The following KHDRBS2 variants were observed in gnomAD, a reference collection of about 807,000 sequenced individuals.
The protein encoded by KHDRBS2 is KH domain-containing, RNA-binding, signal transduction-associated protein 2.
Under a neutral mutation model 44.3 loss-of-function variants are expected in KHDRBS2, and 26 were observed. That is an observed-to-expected ratio of 0.59 (90% confidence interval 0.43 to 0.81). The LOEUF (loss-of-function observed/expected upper bound fraction) is 0.81. Ranked by LOEUF, KHDRBS2 falls within the 40% of genes least tolerant of loss-of-function variation. The pLI, the probability that KHDRBS2 is intolerant of heterozygous loss-of-function variation, is 0.00. For synonymous variants in KHDRBS2, 194 were observed against 151.1 expected (o/e 1.28, Z -2.08); for missense variants, 476 against 433.1 (o/e 1.10, Z -0.88).
intron 2 of KHDRBS2, among the ~76,000 whole-genome samples, chr6:62,131,889 T>C (rs1224471923): frequency 1.3e-5 from 2 of 152,182 alleles, no homozygotes; most frequent in African/African-American, 4.8e-5. Flanking sequence ...TTGGGATGTG[T>C]TCTGAATGAG....
At chr6:61,861,200 A>C (rs929277299) in intron 6 of KHDRBS2, among the ~76,000 whole-genome samples, 1 of 152,098 alleles carries the variant, frequency 6.6e-6, no homozygotes, top group Non-Finnish European at 1.5e-5. Flanking sequence ...TTTGCTGTGC[A>C]GAAGCTCTTT....
the KHDRBS2 span, among the ~76,000 whole-genome samples, chr6:61,620,535 T>G: frequency 5.3e-5 from 8 of 152,186 alleles, no homozygotes. Flanking sequence ...AGTTACTCAA[T>G]GTTGCTAAGT....
intron 6 of KHDRBS2, among the ~76,000 whole-genome samples, chr6:61,791,893 A>G (rs1426592129): frequency 6.6e-6 from 1 of 151,450 alleles, no homozygotes; most frequent in African/African-American, 2.4e-5. Context: ...TAGTCCATTT[A>G]TAACTATTAT....
chr6:61,544,413 T>C, the KHDRBS2 span, among the ~76,000 whole-genome samples: 2 of 152,108 alleles, frequency 1.3e-5, no homozygotes, highest in Non-Finnish European at 2.9e-5. Flanking sequence ...TATTTTAAAA[T>C]CATTTTTAAA....
chr6:62,068,943 TC>T (rs139389910), intron 2 of KHDRBS2, among the ~76,000 whole-genome samples: 1 of 151,860 alleles, frequency 6.6e-6, no homozygotes, highest in Non-Finnish European at 1.5e-5. Flanking sequence ...TCTTTAAATT[TC>T]TTTTTCATTT....
chr6:61,603,522 C>T, the KHDRBS2 span, among the ~76,000 whole-genome samples: 93,433 of 151,818 alleles, frequency 0.62, 28,967 homozygotes, highest in Non-Finnish European at 0.65. Context: ...ACACAAGAGC[C>T]GGGACCATGC....
intron 4 of KHDRBS2, 120 bp from the exon 5 acceptor site, chr6:61,901,491 G>A: frequency 1.1e-5 from 8 of 729,012 alleles, no homozygotes; most frequent in South Asian, 2.0e-5. Flanking sequence ...TTTGTTTCCT[G>A]GAACTTTATA....
At chr6:62,052,270 T>C (rs1247347908) in intron 2 of KHDRBS2, among the ~76,000 whole-genome samples, 2 of 151,842 alleles carry the variant, frequency 1.3e-5, no homozygotes, top group African/African-American at 2.4e-5. Flanking sequence ...AAAGAAACAA[T>C]ATAGTGGAAT....
At chr6:61,630,186 T>C in the KHDRBS2 span, 1 of 152,166 alleles carries the variant, frequency 6.6e-6, no homozygotes, top group Non-Finnish European at 1.5e-5. Context: ...AGCTTTATAT[T>C]GAGCTAAAGA....
downstream of KHDRBS2, among the ~76,000 whole-genome samples, chr6:61,675,483 CTGTT>C (rs1004319201): frequency 6.6e-6 from 1 of 151,256 alleles, no homozygotes; most frequent in African/African-American, 2.4e-5. Context: ...TATTTAAAAA[CTGTT>C]AGTGCTTCAA....
At chr6:61,708,317 T>C (rs1769924978) in intron 7 of KHDRBS2, among the ~76,000 whole-genome samples, 2 of 151,536 alleles carry the variant, frequency 1.3e-5, no homozygotes, top group African/African-American at 4.8e-5. Flanking sequence ...TCAACAATTT[T>C]TACTCAAAAA....
At chr6:61,775,743 A>G (rs1470083213) in intron 6 of KHDRBS2, among the ~76,000 whole-genome samples, 2 of 152,216 alleles carry the variant, frequency 1.3e-5, no homozygotes, top group Non-Finnish European at 2.9e-5. Context: ...ATTCAATGCC[A>G]TCCCCATCAA....
the KHDRBS2 span, among the ~76,000 whole-genome samples, chr6:61,607,985 G>A: frequency 6.6e-6 from 1 of 152,154 alleles, no homozygotes; most frequent in Non-Finnish European, 1.5e-5. Context: ...ACCATGCCCG[G>A]CCTAGAAATT....
chr6:62,101,423 A>C (rs1801882403), intron 2 of KHDRBS2, among the ~76,000 whole-genome samples: 1 of 152,114 alleles, frequency 6.6e-6, no homozygotes, highest in African/African-American at 2.4e-5. Context: ...ATTTACGTAG[A>C]GGTAGGAAAA....
the KHDRBS2 span, among the ~76,000 whole-genome samples, chr6:61,607,205 G>T: frequency 6.6e-6 from 1 of 151,692 alleles, no homozygotes; most frequent in Non-Finnish European, 1.5e-5. Flanking sequence ...AGAGGGAAGA[G>T]ATGTAAAATA....
chr6:62,254,597 T>C (rs1837068871), intron 1 of KHDRBS2, among the ~76,000 whole-genome samples: 1 of 151,922 alleles, frequency 6.6e-6, no homozygotes, highest in Non-Finnish European at 1.5e-5. Flanking sequence ...GCAGCTACTA[T>C]AATGGCCCTA....
chr6:62,188,846 G>T (rs1347188326), intron 1 of KHDRBS2, among the ~76,000 whole-genome samples: 1 of 152,154 alleles, frequency 6.6e-6, no homozygotes, highest in Non-Finnish European at 1.5e-5. Flanking sequence ...GGGTGCGGTG[G>T]CTCACGCCTG....
At chr6:61,732,811 C>A (rs751558987) in intron 6 of KHDRBS2, 47 bp from the exon 7 acceptor site, 4 of 996,354 alleles carry the variant, frequency 4.0e-6, no homozygotes, top group Middle Eastern at 2.1e-4. Flanking sequence ...ATTTGATTAA[C>A]TTTGATCTGT....
chr6:62,263,860 T>C lies in KHDRBS2; in HGVS notation c.91+21998A>G, dbSNP rs541701809. On this transcript the variant is annotated intron_variant, in intron 1 of 8. Coordinates refer to ENST00000281156, the MANE Select transcript of KHDRBS2 (RefSeq NM_152688.4). ...AATTCTTGCACCTAAATGAATAGCATATTTTGTGCAAATCAGAAAATGCTT... is the reference window on the plus strand; with the variant it reads ...AATTCTTGCACCTAAATGAATAGCACATTTTGTGCAAATCAGAAAATGCTT... Among the ~76,000 whole-genome samples the C allele has an allele frequency of 1.1e-4, 16 of 151,878 alleles. No individual in the cohort carries two copies. In the East Asian group the frequency reaches 1.6e-3, roughly 15 times the overall value.
Sources: gnomAD v4.1 joint callset for allele counts (sites outside exome capture counted in the v4.1 genomes callset) on GRCh38, gnomAD v4.1.1 for gene constraint, MANE v1.5 for transcripts, NCBI Gene and HGNC (gene_info 2026-07-23, HGNC 2026-07-21) for gene names.